NDST3: variants seen among roughly 807,000 people sequenced by gnomAD.
NDST3 encodes bifunctional heparan sulfate N-deacetylase/N-sulfotransferase 3.
A neutral mutation model predicts 96.1 loss-of-function variants in NDST3; 58 were observed. The observed-to-expected ratio is 0.60, with a 90% CI of 0.49 to 0.75. The LOEUF is 0.75. Among genes scored for constraint, NDST3 ranks in the 30% least tolerant of loss-of-function variants. The pLI is 0.00. For missense variants in NDST3, 788 were observed against 1,034.2 expected (o/e 0.76, Z 3.27); for synonymous variants, 333 against 359.7 (o/e 0.93, Z 0.84).
At chr4:118,204,416 C>T (rs899369259) in intron 6 of NDST3, among the ~76,000 whole-genome samples, 3 of 144,592 alleles carry the variant, frequency 2.1e-5, no homozygotes, top group Admixed American at 1.4e-4. Flanking sequence ...AGTGCAGCCA[C>T]GTGGTGGAAG....
intron 2 of NDST3, among the ~76,000 whole-genome samples, chr4:118,088,263 T>C (rs904882240): frequency 6.6e-6 from 1 of 152,078 alleles, no homozygotes. Flanking sequence ...CAGAATTTGA[T>C]GAAAGTAAAA....
At chr4:118,193,648 C>G (rs1361682115) in intron 6 of NDST3, 1 of 1,299,456 alleles carries the variant, frequency 7.7e-7, no homozygotes, top group Admixed American at 1.7e-5. Flanking sequence ...GCTGCAAGAC[C>G]TTCTGGAAGT....
At chr4:118,119,605 C>T (rs1731384857) in intron 4 of NDST3, among the ~76,000 whole-genome samples, 1 of 152,064 alleles carries the variant, frequency 6.6e-6, no homozygotes, top group Admixed American at 6.5e-5. Context: ...ATGATGAAGT[C>T]TATAATTTAC....
Position 118,096,816 on chromosome 4 carries a change from G to A in NDST3, c.982-8202G>A, listed in dbSNP as rs185601444. ...CTGGAGATCCAGCAGAGCTAAGTGT[G>A]TAGTTCCTGTCCAGGTTTGAAAATC... is the stretch of plus-strand genomic sequence containing the variant. On this transcript the variant is annotated intron_variant, in intron 2 of 13. Coordinates refer to ENST00000296499, the MANE Select transcript of NDST3 (RefSeq NM_004784.3). Among the ~76,000 whole-genome samples, 65 of 152,064 alleles carry A rather than the reference G, an allele frequency of 4.3e-4. 1 individual carries two copies. The highest frequency in any genetic ancestry group is 2.2e-4 in the Non-Finnish European group (15 of 67,932).
chr4:118,087,103 T>G (rs1233626109), intron 2 of NDST3, among the ~76,000 whole-genome samples: 1 of 152,134 alleles, frequency 6.6e-6, no homozygotes, highest in African/African-American at 2.4e-5. Flanking sequence ...TGGGTTTAAA[T>G]CTTCCATTTA....
At chr4:118,115,471 T>G (rs1256729507) in intron 4 of NDST3, among the ~76,000 whole-genome samples, 1 of 152,182 alleles carries the variant, frequency 6.6e-6, no homozygotes, top group Admixed American at 6.5e-5. Flanking sequence ...TGAAATGAAA[T>G]GAGGCTGAGG....
At chr4:118,234,637 T>A (rs1476843382) in intron 9 of NDST3, among the ~76,000 whole-genome samples, 1 of 151,908 alleles carries the variant, frequency 6.6e-6, no homozygotes, top group South Asian at 2.1e-4. Flanking sequence ...TTTTGAAAAA[T>A]TTATGGTAAA....
chr4:118,061,319 C>T (rs1725876300), intron 2 of NDST3, among the ~76,000 whole-genome samples: 1 of 152,106 alleles, frequency 6.6e-6, no homozygotes, highest in African/African-American at 2.4e-5. Context: ...TCTTCTCTGA[C>T]CATTCTCTTT....
At chr4:118,177,996 T>C (rs1030157156) in intron 6 of NDST3, among the ~76,000 whole-genome samples, 1 of 151,822 alleles carries the variant, frequency 6.6e-6, no homozygotes, top group African/African-American at 2.4e-5. Context: ...TTAAGTTGAA[T>C]GAGTAACTAA....
intron 2 of NDST3, among the ~76,000 whole-genome samples, chr4:118,091,808 T>A (rs1463154724): frequency 6.6e-6 from 1 of 151,866 alleles, no homozygotes; most frequent in Non-Finnish European, 1.5e-5. Flanking sequence ...TGTTGTGTAT[T>A]TTTTATATTT....
intron 6 of NDST3, among the ~76,000 whole-genome samples, chr4:118,154,583 C>A (rs1734607427): frequency 6.6e-6 from 1 of 152,122 alleles, no homozygotes; most frequent in Non-Finnish European, 1.5e-5. Context: ...AAATCTTTAG[C>A]AGGTTTTCAT....
intron 8 of NDST3, among the ~76,000 whole-genome samples, chr4:118,230,909 T>C (rs370746941): frequency 8.5e-5 from 13 of 152,334 alleles, no homozygotes; most frequent in African/African-American, 3.1e-4. Flanking sequence ...ATTGTATAGA[T>C]ATGGTAGATT....
At chr4:118,200,774 T>A (rs1203479928) in intron 6 of NDST3, among the ~76,000 whole-genome samples, 1 of 152,154 alleles carries the variant, frequency 6.6e-6, no homozygotes, top group Non-Finnish European at 1.5e-5. Flanking sequence ...GAAAGCTTCA[T>A]TTTCTTTTCT....
chr4:118,123,644 G>A (rs1346056078), intron 4 of NDST3, among the ~76,000 whole-genome samples: 5 of 152,054 alleles, frequency 3.3e-5, no homozygotes, highest in Non-Finnish European at 5.9e-5. Flanking sequence ...CAAAGTACAA[G>A]TGTTTACATG....
At chr4:118,128,612 A>G (rs1560663589) in intron 4 of NDST3, among the ~76,000 whole-genome samples, 1 of 152,042 alleles carries the variant, frequency 6.6e-6, no homozygotes, top group Non-Finnish European at 1.5e-5. Context: ...GAATTTTTGC[A>G]TCAGGATTCA....
Position 118,067,692 on chromosome 4 carries a change from A to G in NDST3, c.981+12801A>G, listed in dbSNP as rs28697099. On this transcript the variant is annotated intron_variant, in intron 2 of 13. Transcript: ENST00000296499. The stretch of plus-strand genomic sequence containing the variant: ...ACTTCAGAATAGTTCAGAGCCTCTG[A>G]AGAGGCCTAGGAGGGCCTATGTTCA... Among the ~76,000 whole-genome samples the G allele has an allele frequency of 6.3e-3, 966 of 152,242 alleles. 11 individuals carry two copies. The highest frequency in any genetic ancestry group is 0.022 in the African/African-American group (906 of 41,548).
At chr4:118,047,084 A>G (rs1724811378) in intron 1 of NDST3, among the ~76,000 whole-genome samples, 1 of 152,184 alleles carries the variant, frequency 6.6e-6, no homozygotes, top group African/African-American at 2.4e-5. Flanking sequence ...ATAAGAGGCT[A>G]TCTACTGCCC....
chr4:118,100,116 T>G (rs1297232135), intron 2 of NDST3, among the ~76,000 whole-genome samples: 2 of 152,048 alleles, frequency 1.3e-5, no homozygotes, highest in Non-Finnish European at 2.9e-5. Context: ...CTGGAAGAGA[T>G]AAGCTTTTGA....
upstream of NDST3, among the ~76,000 whole-genome samples, chr4:118,033,439 C>T (rs931375743): frequency 2.6e-5 from 4 of 152,074 alleles, no homozygotes; most frequent in East Asian, 1.9e-4. Flanking sequence ...CAGGCCGGGG[C>T]GGAACCCCCG....
Sources: gnomAD v4.1 joint callset for allele counts (sites outside exome capture counted in the v4.1 genomes callset) on GRCh38, gnomAD v4.1.1 for gene constraint, MANE v1.5 for transcripts, NCBI Gene and HGNC (gene_info 2026-07-23, HGNC 2026-07-21) for gene names.